Variants in PPHLN1 observed in about 807,000 individuals in gnomAD.
PPHLN1 encodes periphilin-1.
PPHLN1 carries 29 observed loss-of-function variants against 51.3 expected under a neutral mutation model. That is an observed-to-expected ratio of 0.57 (90% CI 0.42 to 0.77). The LOEUF (loss-of-function observed/expected upper bound fraction) is 0.77. Among genes scored for constraint, PPHLN1 ranks in the 30% least tolerant of loss-of-function variants. The probability of loss-of-function intolerance (pLI) is 0.00; values close to 1 mark genes in which losing one functional copy is unlikely to be tolerated. For synonymous variants in PPHLN1, 147 were observed against 147.8 expected, an observed-to-expected ratio of 0.99 and a Z score of 0.04; for missense variants, 436 against 438.4, an observed-to-expected ratio of 0.99 and a Z score of 0.05.
At chr12:42,373,108 A>G (rs1259528484) in intron 4 of PPHLN1, among the ~76,000 whole-genome samples, 1 of 152,158 alleles carries the variant, frequency 6.6e-6, no homozygotes, top group Non-Finnish European at 1.5e-5. Flanking sequence ...TGTTTTATGT[A>G]TATTTGTCTA....
intron 4 of PPHLN1, among the ~76,000 whole-genome samples, chr12:42,367,661 GTTT>G (rs2075401084): frequency 6.6e-6 from 1 of 152,066 alleles, no homozygotes; most frequent in Non-Finnish European, 1.5e-5. Flanking sequence ...TCGTTTGTCT[GTTT>G]TTTATTAGTG....
At position 42,368,975 on chromosome 12, in the gene PPHLN1, T is replaced by C. The variant is rs150102010; in HGVS notation, c.300-5888T>C. Among the ~76,000 whole-genome samples the C allele has an allele frequency of 2.2e-4, 33 of 152,326 alleles. No individual in the cohort carries two copies. The East Asian group carries it at 6.2e-3, about 28-fold the overall frequency. On this transcript the variant is annotated intron_variant, in intron 4 of 9. Transcript: ENST00000358314. ...AAAACTTTCAGGACGTGCGTAATTA[T>C]TTAGATTGGAGGTTGACAAATTACA...
At chr12:42,398,383 TC>T (rs2078472003) in intron 8 of PPHLN1, among the ~76,000 whole-genome samples, 3 of 152,220 alleles carry the variant, frequency 2.0e-5, no homozygotes, top group Admixed American at 2.0e-4. Flanking sequence ...ACCTCTCACT[TC>T]CATTTGGACT....
chr12:42,330,534 C>A (rs180678561), intron 1 of PPHLN1, among the ~76,000 whole-genome samples: 3 of 152,310 alleles, frequency 2.0e-5, no homozygotes, highest in East Asian at 1.9e-4. Flanking sequence ...ATGACTTTTA[C>A]CAAGCAAACT....
chr12:42,366,535 T>TTG (rs1293560346), intron 4 of PPHLN1, among the ~76,000 whole-genome samples: 1 of 151,708 alleles, frequency 6.6e-6, no homozygotes, highest in African/African-American at 2.4e-5. Flanking sequence ...TTTCTTGTTT[T>TTG]TTTTTGTTTT....
intron 2 of PPHLN1, among the ~76,000 whole-genome samples, chr12:42,336,809 G>A (rs951016269): frequency 2.4e-4 from 36 of 152,120 alleles, no homozygotes; most frequent in Non-Finnish European, 4.6e-4. Flanking sequence ...TAAGGTTGTG[G>A]TGATAGTATA....
At chr12:42,350,786 A>C (rs1179802694) in intron 2 of PPHLN1, among the ~76,000 whole-genome samples, 1 of 152,140 alleles carries the variant, frequency 6.6e-6, no homozygotes, top group African/African-American at 2.4e-5. Flanking sequence ...AACACGGCGA[A>C]ACCCCATCTC....
intron 4 of PPHLN1, among the ~76,000 whole-genome samples, chr12:42,360,568 T>C (rs2074560022): frequency 7.0e-6 from 1 of 143,840 alleles, no homozygotes; most frequent in South Asian, 2.3e-4. Flanking sequence ...TGGTCTCGGC[T>C]CACTGCAACC....
chr12:42,400,690 A>G (rs972449115), intron 9 of PPHLN1, among the ~76,000 whole-genome samples: 1 of 151,972 alleles, frequency 6.6e-6, no homozygotes, highest in Non-Finnish European at 1.5e-5. Flanking sequence ...TCTTAAAAGG[A>G]GAGGTTCTCT....
chr12:42,403,420 T>C lies in PPHLN1; in HGVS notation c.909+4426T>C, dbSNP rs1592757101. 4.6e-5 allele frequency among the ~76,000 whole-genome samples: 7 copies of C among 152,340 alleles called. No homozygotes were observed. The South Asian group carries it at 1.4e-3, about 32-fold the overall frequency. ...ATTTCAAAGAGTTTGAAAGTTACAA[T>C]TTACCAGATTCTGGTCATGCTGTTA... On this transcript the variant is annotated intron_variant, in intron 9 of 9. Coordinates refer to ENST00000358314, the MANE Select transcript of PPHLN1 (RefSeq NM_201439.2).
intron 9 of PPHLN1, among the ~76,000 whole-genome samples, chr12:42,417,427 G>C (rs899081652): frequency 1.4e-4 from 21 of 152,144 alleles, no homozygotes; most frequent in African/African-American, 5.1e-4. Context: ...TAGGGAGGAG[G>C]GGGAGTCCTA....
intron 9 of PPHLN1, among the ~76,000 whole-genome samples, chr12:42,438,837 C>T (rs1321512701): frequency 6.6e-5 from 10 of 152,046 alleles, no homozygotes; most frequent in Non-Finnish European, 1.5e-4. Context: ...CTCCTGACCT[C>T]GTGATCCGCC....
At chr12:42,341,070 TC>T (rs1470640838) in intron 2 of PPHLN1, among the ~76,000 whole-genome samples, 1 of 150,404 alleles carries the variant, frequency 6.6e-6, no homozygotes, top group African/African-American at 2.4e-5. Context: ...AACCTCTGCC[TC>T]CCAGGTTCAA....
At chr12:42,353,657 G>C (rs1431879452) in intron 3 of PPHLN1, among the ~76,000 whole-genome samples, 1 of 152,016 alleles carries the variant, frequency 6.6e-6, no homozygotes, top group East Asian at 1.9e-4. Context: ...TTTTATTTCA[G>C]TAGCTTTTGG....
intron 8 of PPHLN1, among the ~76,000 whole-genome samples, chr12:42,397,806 AT>A (rs2078396163): frequency 6.6e-6 from 1 of 151,514 alleles, no homozygotes; most frequent in Non-Finnish European, 1.5e-5. Context: ...CGCTGGTGTG[AT>A]TTTGGCTCAC....
At chr12:42,425,206 A>G (rs550688266) in intron 9 of PPHLN1, among the ~76,000 whole-genome samples, 11 of 150,024 alleles carry the variant, frequency 7.3e-5, no homozygotes, top group Admixed American at 4.6e-4. Context: ...CAGCCTCCCA[A>G]GTAGCTGGGA....
At chr12:42,360,119 A>AAAAAAAAAAAAAAAAAAAAAAG (rs755925900) in intron 4 of PPHLN1, among the ~76,000 whole-genome samples, 1 of 150,290 alleles carries the variant, frequency 6.7e-6, no homozygotes. Context: ...TCAAAAAAAA[A>AAAAAAAAAAAAAAAAAAAAAAG]AAAAGAAAAA....
At chr12:42,355,069 A>G in intron 3 of PPHLN1, 92 bp from the exon 4 acceptor site, 1 of 1,157,478 alleles carries the variant, frequency 8.6e-7, no homozygotes, top group East Asian at 2.4e-5. Context: ...AGTTTAGGGA[A>G]ATTCGGTCTA....
At chr12:42,446,817 AT>A (rs2083345788), downstream of PPHLN1, 2 of 537,176 alleles carry the variant, frequency 3.7e-6, no homozygotes, top group Non-Finnish European at 6.3e-6. Context: ...TTATTAATTA[AT>A]TCTCTTACCC....
Sources: allele counts gnomAD v4.1 joint callset (sites outside exome capture counted in the v4.1 genomes callset), GRCh38; gene constraint gnomAD v4.1.1; transcripts MANE v1.5; gene names NCBI Gene and HGNC (gene_info 2026-07-23, HGNC 2026-07-21).